RESF1: variants seen among roughly 807,000 people sequenced by gnomAD.
RESF1 encodes gonad expressed transcript.
A neutral mutation model predicts 134.7 loss-of-function variants in RESF1; 65 were observed. The observed-to-expected ratio is 0.48, with a 90% CI of 0.40 to 0.59. The LOEUF (loss-of-function observed/expected upper bound fraction) is 0.59, where lower values mean the gene tolerates loss of function less well. Ranked by LOEUF, RESF1 falls within the 20% of genes least tolerant of loss-of-function variation. RESF1 has a pLI of 0.00. For synonymous variants in RESF1, 762 were observed against 702.2 expected, an observed-to-expected ratio of 1.09 and a Z score of -1.35; for missense variants, 2,274 against 2,002.7, an observed-to-expected ratio of 1.14 and a Z score of -2.59.
intron 2 of RESF1, among the ~76,000 whole-genome samples, chr12:31,964,642 T>G (rs1939358205): frequency 2.6e-5 from 4 of 152,202 alleles, no homozygotes; most frequent in Admixed American, 1.3e-4. Context: ...ACACTTAACT[T>G]TTATAGCCAT....
Position 31,985,345 on chromosome 12 carries a change from T to C in RESF1, c.4390T>C (p.Ser1464Pro), listed in dbSNP as rs995539013. The change falls in exon 4 of 6, where the codon TCG (serine) becomes CCG (proline). Residue 1464 changes from serine (S) to proline (P), a missense_variant. By Grantham distance (74) the Ser-to-Pro change is moderately conservative. Transcript: ENST00000312561. ...TAAAGAAGCTCTGAGTAATAAAGCA[T>C]CGAAGAAAATCTGTGTGAAAAACGT... ...KHKEALSNKA[S>P]KKICVKNVPC... The C allele has an allele frequency of 3.1e-6, 5 of 1,610,464 alleles. No homozygotes were observed. In the African/African-American group the frequency reaches 6.7e-5, roughly 22 times the overall value.
chr12:31,985,916 A>AT lies in RESF1; in HGVS notation c.4962dup (p.Val1655CysfsTer6). 1 of 1,510,808 alleles carries AT rather than the reference A, an allele frequency of 6.6e-7. No individual in the cohort carries two copies. The highest frequency in any genetic ancestry group is 8.8e-7 in the Non-Finnish European group (1 of 1,137,124). 93.6% of individuals were successfully genotyped at this position (1,510,808 alleles called of 1,614,324 possible). On this transcript the variant is annotated frameshift_variant, in exon 4 of 6. Coordinates refer to ENST00000312561, the MANE Select transcript of RESF1 (RefSeq NM_018169.4). LOFTEE classifies it high-confidence loss of function. ...ACAAACTCTGTGGAAGAACGGAAGGATGTAAAGCCTCATCCTAGGAAGGAG... is the reference window on the plus strand; with the variant it reads ...ACAAACTCTGTGGAAGAACGGAAGGATTGTAAAGCCTCATCCTAGGAAGGAG...
chr12:31,975,655 C>G (rs1236451705), intron 3 of RESF1, among the ~76,000 whole-genome samples: 1 of 152,202 alleles, frequency 6.6e-6, no homozygotes, highest in Non-Finnish European at 1.5e-5. Context: ...GCTATTCCAT[C>G]ACACTTTGTA....
chr12:31,974,428 G>A (rs59685434), intron 3 of RESF1, among the ~76,000 whole-genome samples: 3,691 of 151,984 alleles, frequency 0.024, 154 homozygotes, highest in African/African-American at 0.085. Context: ...CAGTTCCGGC[G>A]GCTAGAAGTC....
intron 4 of RESF1, 26 bp downstream of exon 4, chr12:31,985,983 T>C: frequency 1.4e-6 from 2 of 1,434,522 alleles, no homozygotes; most frequent in Non-Finnish European, 1.8e-6. Flanking sequence ...CTTGGTGGTG[T>C]CTACAATATT....
At chr12:31,987,630 G>T (rs1399318463) in intron 5 of RESF1, among the ~76,000 whole-genome samples, 2 of 152,152 alleles carry the variant, frequency 1.3e-5, no homozygotes, top group African/African-American at 2.4e-5. Context: ...GGGTCATAAG[G>T]TGTCTGTCCT....
chr12:31,961,027 C>G (rs1486568582), intron 2 of RESF1, among the ~76,000 whole-genome samples, 156 bp downstream of exon 2: 6 of 152,146 alleles, frequency 3.9e-5, no homozygotes, highest in Admixed American at 3.3e-4. Context: ...GAATTGACAG[C>G]AAAGCTTGAG....
rs1301009445 is a variant in RESF1, at chr12:31,970,204, T to A, written c.-231T>A. The A allele has an allele frequency of 1.3e-5, 2 of 152,252 alleles. No homozygotes were observed. Among genetic ancestry groups the A allele is most frequent in the Non-Finnish European group, 2.9e-5 (2 of 68,040 alleles). 9.4% of individuals were successfully genotyped at this position (152,252 alleles called of 1,614,324 possible). On this transcript the variant is annotated 5_prime_UTR_variant, in exon 3 of 6. Transcript: ENST00000312561. ...TTTCTTGCAGCTGTTTACTTCTAAT[T>A]ATTTCCTGATTCACAAATTAATTTT...
At chr12:31,977,522 G>A (rs73294887) in intron 3 of RESF1, among the ~76,000 whole-genome samples, 2,178 of 152,198 alleles carry the variant, frequency 0.014, 55 homozygotes, top group African/African-American at 0.05. Flanking sequence ...ATCTACCTGG[G>A]ATTGATTTGT....
At position 31,982,863 on chromosome 12, in the gene RESF1, T is replaced by C; in HGVS notation, c.1908T>C (p.Ser636=). Residue 636 remains serine (S), a synonymous_variant, in exon 4 of 6, where the codon AGT becomes AGC. Coordinates refer to ENST00000312561, the MANE Select transcript of RESF1 (RefSeq NM_018169.4). The part of the protein sequence containing the change: ...QLNLKNMETP[S]TSNVSGRVLD... ...ATTTGAAGAACATGGAAACTCCAAGTACTTCTAATGTAAGTGGCAGGGTTT... is the reference window on the plus strand; with the variant it reads ...ATTTGAAGAACATGGAAACTCCAAGCACTTCTAATGTAAGTGGCAGGGTTT... 1 of 1,614,144 alleles carries C rather than the reference T, an allele frequency of 6.2e-7. No individual in the cohort carries two copies. The highest frequency in any genetic ancestry group is 8.5e-7 in the Non-Finnish European group (1 of 1,180,018).
At chr12:31,978,830 C>G (rs950321749) in intron 3 of RESF1, among the ~76,000 whole-genome samples, 1 of 149,664 alleles carries the variant, frequency 6.7e-6, no homozygotes, top group Non-Finnish European at 1.5e-5. Flanking sequence ...CAAAGTGCTG[C>G]GATTACAGGA....
rs1368902611 is a variant in RESF1 at position 31,983,179 on chromosome 12, A to T, written c.2224A>T (p.Met742Leu). The change falls in exon 4 of 6, where the codon ATG (methionine) becomes TTG (leucine). Residue 742 changes from methionine (M) to leucine (L), a missense_variant. Met to Leu is a conservative substitution (Grantham distance 15, BLOSUM62 2). Transcript: ENST00000312561. The stretch of plus-strand genomic sequence containing the variant: ...ACAGCAGACAGCTTTGTCGATGGTA[A>T]TGCACAATTATGAGTCTTCAGGTAT... Reference protein sequence around the residue: ...PSQQTALSMVMHNYESSGINI... With the variant: ...PSQQTALSMVLHNYESSGINI... 4 of 1,611,234 alleles carry T rather than the reference A, an allele frequency of 2.5e-6. No individual in the cohort carries two copies. The highest frequency in any genetic ancestry group is 2.7e-5 in the African/African-American group (2 of 74,720).
In RESF1 at chr12:31,983,398, A is replaced by G. The variant is rs748491514; in HGVS notation, c.2443A>G (p.Lys815Glu). 15 of 1,613,948 alleles carry G rather than the reference A, an allele frequency of 9.3e-6. No individual in the cohort carries two copies. In the Admixed American group the frequency reaches 2.5e-4, roughly 27 times the overall value. ...AENAKATAAL[K>E]VDVSGPVAST... ...AAATGCAAAGGCAACTGCTGCTTTG[A>G]AAGTTGATGTTAGTGGACCAGTAGC... The change falls in exon 4 of 6, where the codon AAA becomes GAA. Residue 815 changes from lysine to glutamate, a missense_variant. Physicochemically the swap from Lys to Glu is moderately conservative, Grantham distance 56 (BLOSUM62 1). Transcript: ENST00000312561.
intron 3 of RESF1, among the ~76,000 whole-genome samples, chr12:31,978,941 A>G (rs978484196): frequency 3.9e-4 from 53 of 136,310 alleles, no homozygotes; most frequent in Non-Finnish European, 7.2e-4. Context: ...TTTTTTTTGA[A>G]ACGGAGTCTA....
In RESF1 at chr12:31,981,485, C is replaced by T. The variant is rs1428915741; in HGVS notation, c.530C>T (p.Pro177Leu). 2.5e-6 allele frequency: 4 copies of T among 1,613,966 alleles called. No individual in the cohort carries two copies. The African/African-American group carries it at 5.3e-5, about 22-fold the overall frequency. The change falls in exon 4 of 6, where the codon CCT becomes CTT. Residue 177 changes from proline (P) to leucine (L), a missense_variant. By Grantham distance (98) the Pro-to-Leu change is moderately conservative. Coordinates refer to ENST00000312561, the MANE Select transcript of RESF1 (RefSeq NM_018169.4). ...ATCCCTTCTAATTCTACACGACTTC[C>T]TGTAGCTTACCAAGGAAATCAGGGA... is the stretch of plus-strand genomic sequence containing the variant. The part of the protein sequence containing the change: ...QMIPSNSTRL[P>L]VAYQGNQGLN...
At position 31,987,265 on chromosome 12, in the gene RESF1, G is replaced by C. The variant is rs1013069777; in HGVS notation, c.5029G>C (p.Asp1677His). ...TTCAGGAATAAAAAGTACAAAAGAA[G>C]ACTGGTTAAAATTTGTTGCTACAAA... ...QVSGIKSTKE[D>H]WLKFVATKKR... Residue 1677 changes from aspartate to histidine, a missense_variant, in exon 5 of 6, where the codon GAC becomes CAC. Coordinates refer to ENST00000312561, the MANE Select transcript of RESF1 (RefSeq NM_018169.4). The C allele has an allele frequency of 6.3e-7, 1 of 1,594,328 alleles. No homozygotes were observed. The highest frequency in any genetic ancestry group is 1.7e-5 in the Admixed American group (1 of 59,226).
At position 31,961,026 on chromosome 12, in the gene RESF1, G is replaced by A. The variant is rs1592247213; in HGVS notation, c.-247+155G>A. Among the ~76,000 whole-genome samples, 3 of 152,344 alleles carry A rather than the reference G, an allele frequency of 2.0e-5. No homozygotes were observed. In the South Asian group the frequency reaches 6.2e-4, roughly 32 times the overall value. ...ACTGTGGGTCACAATGGAATTGACA[G>A]CAAAGCTTGAGAAGAAATGTTGTTG... On this transcript the variant is annotated intron_variant, in intron 2 of 5. Coordinates refer to ENST00000312561, the MANE Select transcript of RESF1 (RefSeq NM_018169.4).
At chr12:31,989,125 G>T (rs896695767) in intron 5 of RESF1, among the ~76,000 whole-genome samples, 1 of 151,398 alleles carries the variant, frequency 6.6e-6, no homozygotes, top group Non-Finnish European at 1.5e-5. Flanking sequence ...GGCTGGGCAC[G>T]GTGGCTCACA....
Position 31,992,217 on chromosome 12 carries a change from T to TA in RESF1, c.5087-160dup, listed in dbSNP as rs532359747. 1.6e-4 allele frequency among the ~76,000 whole-genome samples: 23 copies of TA among 146,494 alleles called. No homozygotes were observed. The South Asian group carries it at 4.5e-3, about 28-fold the overall frequency. On this transcript the variant is annotated intron_variant, in intron 5 of 5. Coordinates refer to ENST00000312561, the MANE Select transcript of RESF1 (RefSeq NM_018169.4). ...GGCAAGATGTCACGTGTATATAACT[T>TA]ACAATTCTATAAGTGAAGAGCTATG...
Sources: allele counts gnomAD v4.1 joint callset (sites outside exome capture counted in the v4.1 genomes callset), GRCh38; gene constraint gnomAD v4.1.1; transcripts MANE v1.5; gene names NCBI Gene and HGNC (gene_info 2026-07-23, HGNC 2026-07-21).